GAB2: variants seen among roughly 807,000 people sequenced by gnomAD.
The protein encoded by GAB2 is GRB2 associated binding protein 2, also known as GRB2-associated-binding protein 2.
In GAB2, 26 loss-of-function variants were observed where a neutral mutation model predicts 65.5. The ratio of observed to expected loss-of-function variants is 0.40; its 90% CI spans 0.29 to 0.55. The LOEUF (loss-of-function observed/expected upper bound fraction) is 0.55, where lower values mean the gene tolerates loss of function less well. GAB2 is among the 20% of genes least tolerant of loss of function. The pLI, the probability that GAB2 is intolerant of heterozygous loss-of-function variation, is 0.53. For synonymous variants in GAB2, 321 were observed against 329.6 expected (o/e 0.97, Z 0.28); for missense variants, 884 against 875.8 (o/e 1.01, Z -0.12).
At chr11:78,331,396 C>T (rs1055523937) in intron 1 of GAB2, among the ~76,000 whole-genome samples, 4 of 151,754 alleles carry the variant, frequency 2.6e-5, no homozygotes, top group Non-Finnish European at 4.4e-5. Flanking sequence ...CAGTTATGCA[C>T]CACCACACCC....
At chr11:78,361,256 A>G (rs1454235307) in intron 1 of GAB2, among the ~76,000 whole-genome samples, 1 of 152,240 alleles carries the variant, frequency 6.6e-6, no homozygotes, top group Non-Finnish European at 1.5e-5. Flanking sequence ...ATGAAATTAT[A>G]AAACATAGTA....
At chr11:78,408,939 C>A (rs1857090005) in intron 1 of GAB2, among the ~76,000 whole-genome samples, 1 of 152,174 alleles carries the variant, frequency 6.6e-6, no homozygotes, top group African/African-American at 2.4e-5. Flanking sequence ...AACCTCTTTT[C>A]TTGATAAATT....
At chr11:78,343,745 G>T (rs1321318025) in intron 1 of GAB2, among the ~76,000 whole-genome samples, 1 of 151,594 alleles carries the variant, frequency 6.6e-6, no homozygotes, top group African/African-American at 2.4e-5. Flanking sequence ...AAAAGAAACA[G>T]GTGAAATTAA....
intron 1 of GAB2, among the ~76,000 whole-genome samples, chr11:78,307,980 G>A (rs1855407117): frequency 6.6e-6 from 1 of 152,064 alleles, no homozygotes; most frequent in Non-Finnish European, 1.5e-5. Flanking sequence ...TTTGTTGAGA[G>A]CCTGGAAGAA....
chr11:78,237,194 G>T (rs1274081044), intron 3 of GAB2, among the ~76,000 whole-genome samples: 1 of 152,180 alleles, frequency 6.6e-6, no homozygotes. Flanking sequence ...TTGTCCAAGA[G>T]AAATAAAAAC....
At chr11:78,381,806 T>C (rs1039667819) in intron 1 of GAB2, among the ~76,000 whole-genome samples, 15 of 151,972 alleles carry the variant, frequency 9.9e-5, no homozygotes, top group Admixed American at 7.9e-4. Flanking sequence ...ATAGTATGGA[T>C]TGTTTCTCAA....
chr11:78,227,234 C>T (rs192789700), intron 3 of GAB2, among the ~76,000 whole-genome samples, 183 bp from the exon 4 acceptor site: 32 of 152,264 alleles, frequency 2.1e-4, no homozygotes, highest in Admixed American at 1.6e-3. Flanking sequence ...AGACTTCATC[C>T]GTCCCCCATC....
chr11:78,278,152 C>T (rs1214641229), intron 2 of GAB2, among the ~76,000 whole-genome samples: 1 of 151,728 alleles, frequency 6.6e-6, no homozygotes, highest in African/African-American at 2.4e-5. Context: ...TCACTGCAAC[C>T]TCTGCCTCCC....
In GAB2 at chr11:78,220,203, G is replaced by A. The variant is rs1054295331; in HGVS notation, c.1887+116C>T. On this transcript the variant is annotated intron_variant, in intron 9 of 9. Transcript: ENST00000361507. The stretch of plus-strand genomic sequence containing the variant: ...AGATGCATCATAAAAGCTGGGTACT[G>A]GAGCAGGAGGGAGGCTGAGTGCTGC... The A allele has an allele frequency of 6.1e-5, 64 of 1,048,734 alleles. No individual in the cohort carries two copies. The Middle Eastern group carries it at 1.3e-3, about 21-fold the overall frequency. The allele number at this position is 1,048,734 out of a possible 1,614,324, so 65.0% of individuals were successfully genotyped here.
At chr11:78,356,306 G>A (rs1385122977) in intron 1 of GAB2, among the ~76,000 whole-genome samples, 1 of 152,138 alleles carries the variant, frequency 6.6e-6, no homozygotes, top group African/African-American at 2.4e-5. Flanking sequence ...GGATATTGGG[G>A]CACTTGAGGG....
At chr11:78,409,914 A>G (rs889442414) in intron 1 of GAB2, among the ~76,000 whole-genome samples, 1 of 152,218 alleles carries the variant, frequency 6.6e-6, no homozygotes, top group African/African-American at 2.4e-5. Context: ...TTGAAATCAA[A>G]TAGAACTTAC....
intron 1 of GAB2, among the ~76,000 whole-genome samples, chr11:78,355,035 T>C (rs938470683): frequency 4.6e-5 from 7 of 152,236 alleles, no homozygotes; most frequent in Non-Finnish European, 7.3e-5. Context: ...GCAAACCACC[T>C]TTATGACATT....
In GAB2 at chr11:78,301,524, G is replaced by C. The variant is rs1289420852; in HGVS notation, c.76-20623C>G. ...TTTGTATTTTTCTTTTTTAAGACGTGGTTTCACTGTGTTGGCCAGGCTGGT... is the reference window on the plus strand; with the variant it reads ...TTTGTATTTTTCTTTTTTAAGACGTCGTTTCACTGTGTTGGCCAGGCTGGT... On this transcript the variant is annotated intron_variant, in intron 1 of 9. Transcript: ENST00000361507. Among the ~76,000 whole-genome samples, 4 of 151,908 alleles carry C rather than the reference G, an allele frequency of 2.6e-5. No individual in the cohort carries two copies. In the East Asian group the frequency reaches 7.7e-4, roughly 29 times the overall value.
In GAB2 at chr11:78,220,436, T is replaced by TG. The variant is rs1236862121; in HGVS notation, c.1769dup (p.Val591SerfsTer16). The TG allele has an allele frequency of 6.4e-7, 1 of 1,573,104 alleles. No individual in the cohort carries two copies. ...CACTGGGAACGGGAGATGCAGACACTGGGTTTTGCTGTCACGAGGAGGAAA... is the reference window on the plus strand; with the variant it reads ...CACTGGGAACGGGAGATGCAGACACTGGGGTTTTGCTGTCACGAGGAGGAAA... On this transcript the variant is annotated frameshift_variant, in exon 9 of 10. Coordinates refer to ENST00000361507, the MANE Select transcript of GAB2 (RefSeq NM_080491.3). LOFTEE classifies it high-confidence loss of function.
intron 1 of GAB2, among the ~76,000 whole-genome samples, chr11:78,284,174 C>G (rs1489097352): frequency 6.6e-6 from 1 of 152,194 alleles, no homozygotes; most frequent in Admixed American, 6.5e-5. Context: ...TACTCTACAT[C>G]TAACCCAAAA....
chr11:78,233,128 C>A (rs1403952729), intron 3 of GAB2, among the ~76,000 whole-genome samples: 1 of 149,552 alleles, frequency 6.7e-6, no homozygotes, highest in Non-Finnish European at 1.5e-5. Flanking sequence ...CAACCTCCGC[C>A]TCCTGGGCTC....
chr11:78,344,121 A>G (rs886485208), intron 1 of GAB2, among the ~76,000 whole-genome samples: 1 of 152,206 alleles, frequency 6.6e-6, no homozygotes, highest in African/African-American at 2.4e-5. Flanking sequence ...ATTACCAGGG[A>G]TGATTTACAG....
intron 1 of GAB2, among the ~76,000 whole-genome samples, chr11:78,373,920 G>A (rs925858133): frequency 7.9e-5 from 12 of 152,252 alleles, no homozygotes; most frequent in African/African-American, 2.4e-4. Context: ...CACAGTACCC[G>A]ACACACAGTT....
intron 2 of GAB2, among the ~76,000 whole-genome samples, chr11:78,253,456 C>T (rs899260563): frequency 2.6e-5 from 4 of 152,040 alleles, no homozygotes; most frequent in Admixed American, 6.6e-5. Flanking sequence ...CACGCCAGGC[C>T]AATTTTTAAA....
Sources: allele counts gnomAD v4.1 joint callset (sites outside exome capture counted in the v4.1 genomes callset), GRCh38; gene constraint gnomAD v4.1.1; transcripts MANE v1.5; gene names NCBI Gene and HGNC (gene_info 2026-07-23, HGNC 2026-07-21).